The following LHFPL3 variants were observed in gnomAD, a reference collection of about 807,000 sequenced individuals.
LHFPL3 encodes LHFPL tetraspan subfamily member 3.
A neutral mutation model predicts 19.3 loss-of-function variants in LHFPL3; 5 were observed. The ratio of observed to expected loss-of-function variants is 0.26; its 90% CI spans 0.14 to 0.54. The LOEUF is 0.54. LHFPL3 is among the 20% of genes least tolerant of loss of function. The pLI is 0.94. For missense variants in LHFPL3, 249 were observed against 307.4 expected, an observed-to-expected ratio of 0.81 and a Z score of 1.42; for synonymous variants, 133 against 126.2, an observed-to-expected ratio of 1.05 and a Z score of -0.36.
intron 1 of LHFPL3, among the ~76,000 whole-genome samples, chr7:104,695,601 T>C (rs1430690468): frequency 1.3e-5 from 2 of 152,212 alleles, no homozygotes; most frequent in African/African-American, 4.8e-5. Context: ...CTGTGTGTTT[T>C]AGACCTGGAA....
chr7:104,532,583 C>T (rs1329685100), intron 1 of LHFPL3, among the ~76,000 whole-genome samples: 1 of 152,054 alleles, frequency 6.6e-6, no homozygotes, highest in Non-Finnish European at 1.5e-5. Flanking sequence ...TTGGGGAAAT[C>T]CTTCTCTCTC....
chr7:104,686,642 A>G (rs1274852915), intron 1 of LHFPL3, among the ~76,000 whole-genome samples: 2 of 152,160 alleles, frequency 1.3e-5, no homozygotes, highest in Non-Finnish European at 2.9e-5. Context: ...TTGAGGGCTC[A>G]GTCTCACAAG....
At chr7:104,573,409 C>CAAAAAAAAAAA (rs11310724) in intron 1 of LHFPL3, among the ~76,000 whole-genome samples, 1 of 112,654 alleles carries the variant, frequency 8.9e-6, no homozygotes, top group Non-Finnish European at 1.9e-5. Flanking sequence ...AAGACCATCT[C>CAAAAAAAAAAA]AAAAAAAAAA....
At chr7:104,536,763 A>C (rs1464179763) in intron 1 of LHFPL3, among the ~76,000 whole-genome samples, 2 of 152,174 alleles carry the variant, frequency 1.3e-5, no homozygotes, top group African/African-American at 4.8e-5. Context: ...TTTGTTTCAG[A>C]ATGGTAAAAA....
intron 1 of LHFPL3, among the ~76,000 whole-genome samples, chr7:104,341,474 A>G (rs960772730): frequency 1.3e-5 from 2 of 152,234 alleles, no homozygotes; most frequent in East Asian, 1.9e-4. Context: ...TCTGTTTTAC[A>G]TATTCATCCA....
intron 1 of LHFPL3, among the ~76,000 whole-genome samples, chr7:104,600,453 T>C (rs556191318): frequency 2.4e-4 from 36 of 152,372 alleles, no homozygotes; most frequent in African/African-American, 8.7e-4. Context: ...GAATCTTTAC[T>C]GTTCAATTTT....
chr7:104,742,126 T>C (rs1440460057), intron 2 of LHFPL3, among the ~76,000 whole-genome samples: 3 of 152,254 alleles, frequency 2.0e-5, no homozygotes, highest in African/African-American at 7.2e-5. Flanking sequence ...GGATTTGAAA[T>C]GAAAGCTTCA....
At chr7:104,784,929 G>A (rs1008200332) in intron 2 of LHFPL3, among the ~76,000 whole-genome samples, 1 of 152,130 alleles carries the variant, frequency 6.6e-6, no homozygotes, top group South Asian at 2.1e-4. Flanking sequence ...GAAGTGGGGA[G>A]CCATTGCTTA....
chr7:104,648,864 T>C (rs920417513), intron 1 of LHFPL3, among the ~76,000 whole-genome samples: 1 of 152,204 alleles, frequency 6.6e-6, no homozygotes, highest in African/African-American at 2.4e-5. Flanking sequence ...GCAGTGCTGT[T>C]TGTCAGAGTA....
intron 1 of LHFPL3, among the ~76,000 whole-genome samples, chr7:104,343,984 T>G (rs1309730681): frequency 6.6e-6 from 1 of 152,188 alleles, no homozygotes; most frequent in Non-Finnish European, 1.5e-5. Flanking sequence ...TAGAATGACA[T>G]ATACTATAGA....
At chr7:104,549,328 C>T (rs557584809) in intron 1 of LHFPL3, among the ~76,000 whole-genome samples, 29 of 151,718 alleles carry the variant, frequency 1.9e-4, no homozygotes, top group Non-Finnish European at 3.2e-4. Context: ...ATCAGTGTTA[C>T]GCACATGGTA....
chr7:104,532,761 C>T (rs1794326053), intron 1 of LHFPL3, among the ~76,000 whole-genome samples: 1 of 152,124 alleles, frequency 6.6e-6, no homozygotes, highest in Non-Finnish European at 1.5e-5. Flanking sequence ...ACATTACTAT[C>T]ACAAAAATTA....
intron 1 of LHFPL3, among the ~76,000 whole-genome samples, chr7:104,692,526 G>T (rs1792923119): frequency 6.6e-6 from 1 of 152,224 alleles, no homozygotes; most frequent in Non-Finnish European, 1.5e-5. Context: ...GGCTAAAAGG[G>T]GTGAACATAC....
intron 2 of LHFPL3, among the ~76,000 whole-genome samples, chr7:104,772,507 C>T (rs1283534516): frequency 6.6e-6 from 1 of 152,156 alleles, no homozygotes; most frequent in Non-Finnish European, 1.5e-5. Context: ...GGATCCTACA[C>T]AGCAGTCACA....
intron 1 of LHFPL3, among the ~76,000 whole-genome samples, chr7:104,561,637 A>G (rs982068781): frequency 7.2e-5 from 11 of 152,124 alleles, no homozygotes; most frequent in African/African-American, 2.2e-4. Context: ...TTGTTATCCA[A>G]TTTGCCAGTC....
intron 1 of LHFPL3, among the ~76,000 whole-genome samples, chr7:104,435,757 G>A (rs919362084): frequency 6.6e-6 from 1 of 151,542 alleles, no homozygotes; most frequent in African/African-American, 2.4e-5. Flanking sequence ...TCCTGTCTAA[G>A]TGTACATTTC....
chr7:104,865,501 G>C (rs1057204376), intron 2 of LHFPL3, among the ~76,000 whole-genome samples: 1 of 152,160 alleles, frequency 6.6e-6, no homozygotes, highest in Non-Finnish European at 1.5e-5. Flanking sequence ...TGAATGAAAT[G>C]AAGCAAGAAG....
At chr7:104,804,792 G>C (rs1464683958) in intron 2 of LHFPL3, among the ~76,000 whole-genome samples, 1 of 152,160 alleles carries the variant, frequency 6.6e-6, no homozygotes, top group East Asian at 1.9e-4. Context: ...TTTCAGATGA[G>C]AAATCAGCCC....
At chr7:104,588,388 G>T (rs1045967729) in intron 1 of LHFPL3, among the ~76,000 whole-genome samples, 3 of 152,148 alleles carry the variant, frequency 2.0e-5, no homozygotes, top group Non-Finnish European at 4.4e-5. Flanking sequence ...TTTCCCCGTT[G>T]CTTGTTTTTG....
Sources: allele counts gnomAD v4.1 joint callset (sites outside exome capture counted in the v4.1 genomes callset), GRCh38; gene constraint gnomAD v4.1.1; transcripts MANE v1.5; gene names NCBI Gene and HGNC (gene_info 2026-07-23, HGNC 2026-07-21).